The following CASP10 variants were observed in gnomAD, a reference collection of about 807,000 sequenced individuals.
The protein encoded by CASP10 is caspase-10.
A neutral mutation model predicts 48.5 loss-of-function variants in CASP10; 41 were observed. That is an observed-to-expected ratio of 0.85 (90% CI 0.66 to 1.10). The LOEUF (loss-of-function observed/expected upper bound fraction) is 1.10, where lower values mean the gene tolerates loss of function less well. Ranked by LOEUF, CASP10 falls within the 50% of genes least tolerant of loss-of-function variation. CASP10 has a pLI of 0.00. For missense variants in CASP10, 614 were observed against 614.5 expected, an observed-to-expected ratio of 1.00 and a Z score of 0.01; for synonymous variants, 232 against 238.4, an observed-to-expected ratio of 0.97 and a Z score of 0.25.
chr2:201,198,445 G>T (rs559024000), intron 5 of CASP10, among the ~76,000 whole-genome samples: 2 of 151,000 alleles, frequency 1.3e-5, no homozygotes, highest in African/African-American at 4.9e-5. Context: ...GGCTGATCTC[G>T]AACTCCTGAC....
intron 9 of CASP10, among the ~76,000 whole-genome samples, chr2:201,216,796 G>A (rs932680085): frequency 6.6e-6 from 1 of 152,084 alleles, no homozygotes; most frequent in Non-Finnish European, 1.5e-5. Context: ...CACAATGAAT[G>A]AATGATGGAG....
At chr2:201,210,095 G>C (rs1357923055) in intron 9 of CASP10, among the ~76,000 whole-genome samples, 1 of 152,236 alleles carries the variant, frequency 6.6e-6, no homozygotes, top group African/African-American at 2.4e-5. Flanking sequence ...GGAATAGCAT[G>C]AACAAAAGCA....
rs1208515661 is a variant in CASP10, at chr2:201,221,280, C to T, written c.*3539C>T. 2.0e-6 allele frequency: 2 copies of T among 986,236 alleles called. No individual in the cohort carries two copies. The highest frequency in any genetic ancestry group is 2.4e-6 in the Non-Finnish European group (2 of 830,610). 61.1% of individuals were successfully genotyped at this position (986,236 alleles called of 1,614,324 possible). A position where few individuals can be genotyped will look rare whatever the true frequency, so the allele number is the denominator to read the frequency against. On this transcript the variant is annotated 3_prime_UTR_variant, in exon 10 of 10. Transcript: ENST00000286186. ...GCTCTTGACTCTGAGTTCAGTTGGA[C>T]AAAATGCTGTTGATAAAACCTCCTG...
chr2:201,206,064 T>C (rs1382957105), intron 7 of CASP10, 91 bp downstream of exon 7: 3 of 743,244 alleles, frequency 4.0e-6, no homozygotes, highest in Non-Finnish European at 4.6e-6. Flanking sequence ...GCTCTCTCCC[T>C]AGGGTCCAGC....
In CASP10 at chr2:201,217,831, C is replaced by T. The variant is rs1347139292; in HGVS notation, c.*90C>T. The T allele has an allele frequency of 2.9e-5, 47 of 1,610,972 alleles. No homozygotes were observed. In the Middle Eastern group the frequency reaches 9.9e-4, roughly 34 times the overall value. On this transcript the variant is annotated 3_prime_UTR_variant, in exon 10 of 10. Coordinates refer to ENST00000286186, the MANE Select transcript of CASP10 (RefSeq NM_032977.4). The stretch of plus-strand genomic sequence containing the variant: ...CCAGCACAGGAATCGGTGGTCTCCA[C>T]CTGTCATTCTAGAAACAGGAAACAC...
At chr2:201,195,702 G>A (rs949571095) in intron 4 of CASP10, 140 bp from the exon 5 acceptor site, 14 of 668,870 alleles carry the variant, frequency 2.1e-5, no homozygotes, top group Non-Finnish European at 3.2e-5. Context: ...TTTTTGAGAC[G>A]GACTCCTACT....
chr2:201,195,794 C>A, intron 4 of CASP10, 48 bp from the exon 5 acceptor site: 2 of 1,421,774 alleles, frequency 1.4e-6, no homozygotes, highest in Non-Finnish European at 2.0e-6. Context: ...TCTCCTGCTG[C>A]TAGTCAGAAG....
intron 1 of CASP10, among the ~76,000 whole-genome samples, chr2:201,183,788 A>G (rs1944311808): frequency 6.6e-6 from 1 of 152,216 alleles, no homozygotes; most frequent in African/African-American, 2.4e-5. Flanking sequence ...TGTATTATCT[A>G]TAGTTATGTC....
chr2:201,220,300 G>C lies in CASP10; in HGVS notation c.*2559G>C. 4 of 213,434 alleles carry C rather than the reference G, an allele frequency of 1.9e-5. No homozygotes were observed. Among genetic ancestry groups the C allele is most frequent in the Non-Finnish European group, 3.1e-5 (4 of 128,674 alleles). The allele number at this position is 213,434 out of a possible 1,614,324, so 13.2% of individuals were successfully genotyped here. On this transcript the variant is annotated 3_prime_UTR_variant, in exon 10 of 10. Coordinates refer to ENST00000286186, the MANE Select transcript of CASP10 (RefSeq NM_032977.4). The stretch of plus-strand genomic sequence containing the variant: ...CAGAAAGAGAAGAGAGTAAAATACA[G>C]ATAAGACAGCTCTGGCATAGAGGGA...
chr2:201,227,042 G>A (rs1292511646), intron 9 of CASP10, among the ~76,000 whole-genome samples: 2 of 152,136 alleles, frequency 1.3e-5, no homozygotes. Context: ...GTGATGAGAA[G>A]TTTAGAGTAG....
At chr2:201,195,067 G>A (rs1033871521) in intron 4 of CASP10, among the ~76,000 whole-genome samples, 8 of 151,450 alleles carry the variant, frequency 5.3e-5, no homozygotes, top group Admixed American at 1.3e-4. Context: ...GTGAGCCACC[G>A]CGCCCGGCTT....
At chr2:201,199,296 A>G (rs1559301855) in intron 5 of CASP10, among the ~76,000 whole-genome samples, 1 of 152,148 alleles carries the variant, frequency 6.6e-6, no homozygotes, top group African/African-American at 2.4e-5. Flanking sequence ...TGTTGAACCC[A>G]ATAATGTCCT....
chr2:201,208,034 A>C, intron 7 of CASP10, 41 bp from the exon 8 acceptor site: 1 of 1,444,126 alleles, frequency 6.9e-7, no homozygotes, highest in Non-Finnish European at 9.7e-7. Flanking sequence ...TAAGGCCCTA[A>C]GATAAGGATT....
intron 2 of CASP10, among the ~76,000 whole-genome samples, chr2:201,187,099 T>A (rs2126007393): frequency 6.6e-6 from 1 of 152,306 alleles, no homozygotes; most frequent in South Asian, 2.1e-4. Flanking sequence ...ACATTAAGCC[T>A]TAGCGGTGGA....
chr2:201,227,047 G>T lies in CASP10; in HGVS notation c.1416-1886G>T, dbSNP rs112949895. On this transcript the variant is annotated intron_variant, in intron 9 of 9. Coordinates refer to the CASP10 transcript ENST00000272879. ...ATGCATGGGGGTGATGAGAAGTTTA[G>T]AGTAGTAGTTGCCTGGGATGGGATT... Among the ~76,000 whole-genome samples, 4 of 152,228 alleles carry T rather than the reference G, an allele frequency of 2.6e-5. No individual in the cohort carries two copies. In the South Asian group the frequency reaches 6.2e-4, roughly 24 times the overall value.
rs1003759929 is a variant in CASP10 at position 201,203,644 on chromosome 2, C to T, written c.685-86C>T. The T allele has an allele frequency of 4.6e-5, 54 of 1,169,152 alleles. No homozygotes were observed. The African/African-American group carries it at 7.7e-4, about 17-fold the overall frequency. 72.4% of individuals were successfully genotyped at this position (1,169,152 alleles called of 1,614,324 possible). On this transcript the variant is annotated intron_variant, in intron 5 of 9. Transcript: ENST00000286186. The stretch of plus-strand genomic sequence containing the variant: ...CTGTGGCTGTGGATTAGATATCTGT[C>T]CTTCCCTGCATCAAGTCTAGTTTTT...
At chr2:201,197,529 A>G (rs79323089) in intron 5 of CASP10, among the ~76,000 whole-genome samples, 1 of 152,178 alleles carries the variant, frequency 6.6e-6, no homozygotes. Context: ...GCACAAGAAT[A>G]GCTTGAACCT....
At position 201,209,422 on chromosome 2, in the gene CASP10, C is replaced by T; in HGVS notation, c.1275C>T (p.Ser425=). Residue 425 remains serine (S), a synonymous_variant, in exon 9 of 10, where the codon TCC becomes TCT. Transcript: ENST00000286186. ...TGAACCCTGAGCAGGCACCCACTTCCCTGCAGGACAGTATTCCTGCCGAGG... is the reference window on the plus strand; with the variant it reads ...TGAACCCTGAGCAGGCACCCACTTCTCTGCAGGACAGTATTCCTGCCGAGG... ...DALNPEQAPT[S]LQDSIPAEAD... is the part of the protein sequence containing the mutation. 6.2e-7 allele frequency: 1 copy of T among 1,614,172 alleles called. No individual in the cohort carries two copies. Among genetic ancestry groups the T allele is most frequent in the East Asian group, 2.2e-5 (1 of 44,878 alleles).
chr2:201,200,321 T>C, intron 5 of CASP10: 2 of 834,684 alleles, frequency 2.4e-6, no homozygotes, highest in East Asian at 5.2e-5. Context: ...ATGATTCTTG[T>C]GTGATCCAGC....
Sources: allele counts gnomAD v4.1 joint callset (sites outside exome capture counted in the v4.1 genomes callset), GRCh38; gene constraint gnomAD v4.1.1; transcripts MANE v1.5; gene names NCBI Gene and HGNC (gene_info 2026-07-23, HGNC 2026-07-21).